Variants in LDB2 observed in about 807,000 individuals in gnomAD.
The protein encoded by LDB2 is LIM domain-binding protein 2.
In LDB2, 12 loss-of-function variants were observed where a neutral mutation model predicts 44.3. The observed-to-expected ratio is 0.27, with a 90% confidence interval of 0.17 to 0.44. The LOEUF (loss-of-function observed/expected upper bound fraction) is 0.44. LDB2 is among the 20% of genes least tolerant of loss of function. LDB2 has a pLI of 1.00. For synonymous variants in LDB2, 164 were observed against 174.8 expected, an observed-to-expected ratio of 0.94 and a Z score of 0.49; for missense variants, 344 against 473.5, an observed-to-expected ratio of 0.73 and a Z score of 2.54.
chr4:16,813,267 T>A (rs1456715962), intron 1 of LDB2, among the ~76,000 whole-genome samples: 1 of 152,148 alleles, frequency 6.6e-6, no homozygotes, highest in East Asian at 1.9e-4. Context: ...ATTACAGGTG[T>A]GAGCCACTGT....
intron 1 of LDB2, among the ~76,000 whole-genome samples, chr4:16,862,633 C>CAAAAAAAAA (rs58157857): frequency 4.4e-5 from 2 of 45,078 alleles, no homozygotes; most frequent in Non-Finnish European, 3.7e-5. Context: ...AATTCCATCT[C>CAAAAAAAAA]AAAAAAAAAA....
chr4:16,522,027 G>A (rs1346983222), intron 5 of LDB2, among the ~76,000 whole-genome samples: 1 of 152,030 alleles, frequency 6.6e-6, no homozygotes, highest in Non-Finnish European at 1.5e-5. Flanking sequence ...TTAATCTCTT[G>A]GTGTTTCAGT....
chr4:16,694,937 C>T (rs980638963), intron 2 of LDB2, among the ~76,000 whole-genome samples: 3 of 152,140 alleles, frequency 2.0e-5, no homozygotes, highest in African/African-American at 7.2e-5. Flanking sequence ...GCATCTTGGC[C>T]CCAGTTTGCC....
At chr4:16,647,663 T>G (rs1052428191) in intron 2 of LDB2, among the ~76,000 whole-genome samples, 1 of 152,036 alleles carries the variant, frequency 6.6e-6, no homozygotes, top group African/African-American at 2.4e-5. Flanking sequence ...AGAAAGACGA[T>G]CATGTTTCCC....
chr4:16,832,580 C>G (rs1784252392), intron 1 of LDB2, among the ~76,000 whole-genome samples: 1 of 152,090 alleles, frequency 6.6e-6, no homozygotes, highest in Admixed American at 6.6e-5. Context: ...TTGACACTAA[C>G]TCTACTTCGA....
chr4:16,623,787 C>T (rs1055209503), intron 2 of LDB2, among the ~76,000 whole-genome samples: 19 of 143,526 alleles, frequency 1.3e-4, no homozygotes, highest in African/African-American at 4.9e-4. Flanking sequence ...CACACACACA[C>T]GTTTTATTTA....
intron 2 of LDB2, among the ~76,000 whole-genome samples, chr4:16,698,565 T>A (rs1177597954): frequency 6.6e-6 from 1 of 152,190 alleles, no homozygotes; most frequent in Non-Finnish European, 1.5e-5. Context: ...TCTTTCTGAA[T>A]TTTTTTAATA....
chr4:16,588,755 A>G lies in LDB2; in HGVS notation c.486T>C (p.Ile162=). 6.2e-7 allele frequency: 1 copy of G among 1,613,920 alleles called. No individual in the cohort carries two copies. The highest frequency in any genetic ancestry group is 1.7e-4 in the Middle Eastern group (1 of 6,060). Residue 162 remains isoleucine (I), a synonymous_variant, in exon 4 of 8, where the codon ATT becomes ATC. Coordinates refer to ENST00000304523, the MANE Select transcript of LDB2 (RefSeq NM_001290.5). ...LMRIKTWHFT[I]RQYRELVPRS... ...TCGGGACTAACTCTCGGTATTGTCT[A>G]ATGGTAAAGTGCCATGTTTTGATTC... is the stretch of plus-strand genomic sequence containing the variant.
chr4:16,791,556 G>GAAAAAAAAAAAAACAAA (rs1775742833), intron 1 of LDB2, among the ~76,000 whole-genome samples: 1 of 59,000 alleles, frequency 1.7e-5, no homozygotes, highest in African/African-American at 6.7e-5. Context: ...CTCTGGCTCA[G>GAAAAAAAAAAAAACAAA]AAAAAAAAAA....
At position 16,773,697 on chromosome 4, in the gene LDB2, C is replaced by T. The variant is rs530633946; in HGVS notation, c.133-14437G>A. On this transcript the variant is annotated intron_variant, in intron 1 of 7. Coordinates refer to ENST00000304523, the MANE Select transcript of LDB2 (RefSeq NM_001290.5). ...CAGTTCCTGTTAGGAACCCGTACTC[C>T]CCTCCATTTCTACAGTTGCAATATT... 3.7e-4 allele frequency among the ~76,000 whole-genome samples: 56 copies of T among 151,988 alleles called. 2 individuals are homozygous for T. The South Asian group carries it at 0.011, about 31-fold the overall frequency.
intron 4 of LDB2, among the ~76,000 whole-genome samples, chr4:16,587,010 C>T (rs959433871): frequency 2.0e-5 from 3 of 152,142 alleles, no homozygotes; most frequent in Admixed American, 6.5e-5. Flanking sequence ...GAAAACAGAG[C>T]ATGTCAGTTT....
chr4:16,858,653 C>T (rs1033173167), intron 1 of LDB2, among the ~76,000 whole-genome samples: 1 of 152,192 alleles, frequency 6.6e-6, no homozygotes, highest in African/African-American at 2.4e-5. Context: ...GAAGGAACTC[C>T]GGGTAAGGTA....
chr4:16,738,884 C>T (rs1322118057), intron 2 of LDB2, among the ~76,000 whole-genome samples: 1 of 152,172 alleles, frequency 6.6e-6, no homozygotes, highest in Admixed American at 6.6e-5. Flanking sequence ...GCTGATATTT[C>T]TAGTAATTTG....
chr4:16,856,632 A>G (rs992790479), intron 1 of LDB2, among the ~76,000 whole-genome samples: 2 of 152,326 alleles, frequency 1.3e-5, no homozygotes, highest in Non-Finnish European at 2.9e-5. Flanking sequence ...TATATTTAAA[A>G]TGTGTATGTT....
chr4:16,672,407 T>C (rs1391135131), intron 2 of LDB2, among the ~76,000 whole-genome samples: 1 of 152,120 alleles, frequency 6.6e-6, no homozygotes, highest in African/African-American at 2.4e-5. Context: ...CTGCTGAAAG[T>C]TCATTGGCAC....
chr4:16,569,555 C>T (rs188904849), intron 5 of LDB2, among the ~76,000 whole-genome samples: 190 of 152,174 alleles, frequency 1.2e-3, no homozygotes, highest in Non-Finnish European at 2.1e-3. Context: ...TTAGTAAATG[C>T]GGGCTGAATG....
intron 1 of LDB2, among the ~76,000 whole-genome samples, chr4:16,823,284 C>T (rs548801406): frequency 1.3e-5 from 2 of 152,332 alleles, no homozygotes; most frequent in East Asian, 1.9e-4. Context: ...CCAAAGCCAA[C>T]GTTTGAATGT....
intron 2 of LDB2, among the ~76,000 whole-genome samples, chr4:16,758,011 G>C (rs1340581058): frequency 1.3e-5 from 2 of 152,032 alleles, no homozygotes; most frequent in African/African-American, 4.8e-5. Flanking sequence ...CTGGCAACCA[G>C]TTTCAGTTGG....
intron 1 of LDB2, among the ~76,000 whole-genome samples, chr4:16,809,675 C>T (rs1189241036): frequency 6.6e-6 from 1 of 151,966 alleles, no homozygotes; most frequent in Non-Finnish European, 1.5e-5. Context: ...CATGTTGGTT[C>T]CCTTCCTTTG....
Sources: gnomAD v4.1 joint callset for allele counts (sites outside exome capture counted in the v4.1 genomes callset) on GRCh38, gnomAD v4.1.1 for gene constraint, MANE v1.5 for transcripts, NCBI Gene and HGNC (gene_info 2026-07-23, HGNC 2026-07-21) for gene names.